The following RGS7 variants were observed in gnomAD, a reference collection of about 807,000 sequenced individuals.
RGS7 encodes the protein regulator of G-protein signaling 7.
In RGS7, 27 loss-of-function variants were observed where a neutral mutation model predicts 81.1. That is an observed-to-expected ratio of 0.33 (90% CI 0.25 to 0.46). The LOEUF (loss-of-function observed/expected upper bound fraction) is 0.46, where lower values mean the gene tolerates loss of function less well. Ranked by LOEUF, RGS7 falls within the 20% of genes least tolerant of loss-of-function variation. RGS7 has a pLI of 1.00. For synonymous variants in RGS7, 208 were observed against 207.7 expected, an observed-to-expected ratio of 1.00 and a Z score of -0.01; for missense variants, 396 against 607.4, an observed-to-expected ratio of 0.65 and a Z score of 3.66.
chr1:240,928,641 C>T (rs575384183), intron 6 of RGS7, among the ~76,000 whole-genome samples: 3 of 141,492 alleles, frequency 2.1e-5, no homozygotes, highest in African/African-American at 5.3e-5. Flanking sequence ...CGGAGTCTCA[C>T]TCTGTCATCC....
intron 3 of RGS7, among the ~76,000 whole-genome samples, chr1:241,010,691 C>A (rs1489122023): frequency 6.6e-6 from 1 of 152,184 alleles, no homozygotes; most frequent in Non-Finnish European, 1.5e-5. Context: ...GAAGACCAGG[C>A]CCTTTGCGGT....
chr1:241,219,467 G>A (rs1448868054), intron 2 of RGS7, among the ~76,000 whole-genome samples: 6 of 152,176 alleles, frequency 3.9e-5, no homozygotes, highest in African/African-American at 1.4e-4. Flanking sequence ...CCTCAGGTGT[G>A]TCTTTATCAG....
chr1:241,086,175 T>G (rs925228976), intron 3 of RGS7, among the ~76,000 whole-genome samples: 1 of 152,214 alleles, frequency 6.6e-6, no homozygotes, highest in African/African-American at 2.4e-5. Flanking sequence ...GACCTGTATA[T>G]CCAACAGTTT....
intron 2 of RGS7, among the ~76,000 whole-genome samples, chr1:241,327,848 T>C (rs2081706580): frequency 6.6e-6 from 1 of 152,194 alleles, no homozygotes; most frequent in Non-Finnish European, 1.5e-5. Context: ...TTTTTCCCAA[T>C]ACAATAATTA....
At chr1:240,840,687 C>A (rs1657784565) in intron 9 of RGS7, among the ~76,000 whole-genome samples, 1 of 152,180 alleles carries the variant, frequency 6.6e-6, no homozygotes, top group Admixed American at 6.5e-5. Context: ...TTTATCATAT[C>A]ACTTACCTCC....
In RGS7 at chr1:240,783,758, G is replaced by A. The variant is rs556249225; in HGVS notation, c.*7-7545C>T. ...TCTTAGCTATAGCCTGAGAGCCTGG[G>A]GCATTAGGGAGATGGAAGCAACTTC... On this transcript the variant is annotated intron_variant, in intron 18 of 18. Coordinates refer to ENST00000440928, the MANE Select transcript of RGS7 (RefSeq NM_001364886.1). Among the ~76,000 whole-genome samples the A allele has an allele frequency of 5.9e-5, 9 of 152,202 alleles. No homozygotes were observed. In the South Asian group the frequency reaches 1.9e-3, roughly 32 times the overall value.
At chr1:241,135,418 C>T (rs1430496784) in intron 2 of RGS7, among the ~76,000 whole-genome samples, 1 of 152,140 alleles carries the variant, frequency 6.6e-6, no homozygotes, top group East Asian at 1.9e-4. Flanking sequence ...CAGAGCGAGA[C>T]TCCGTCTGAA....
chr1:240,818,071 T>C (rs1394301575), intron 10 of RGS7, among the ~76,000 whole-genome samples: 2 of 151,910 alleles, frequency 1.3e-5, no homozygotes, highest in East Asian at 3.9e-4. Flanking sequence ...TATCCATTTC[T>C]TTTTTTTCTT....
chr1:240,783,746 C>T (rs1193348280), intron 18 of RGS7, among the ~76,000 whole-genome samples: 1 of 152,068 alleles, frequency 6.6e-6, no homozygotes, highest in African/African-American at 2.4e-5. Flanking sequence ...TAGCTATAGC[C>T]TGAGAGCCTG....
intron 2 of RGS7, among the ~76,000 whole-genome samples, chr1:241,133,498 C>T (rs145397645): frequency 8.2e-4 from 124 of 151,282 alleles, no homozygotes; most frequent in African/African-American, 2.6e-3. Flanking sequence ...TATTAGCCAC[C>T]ATAATTTTTT....
At chr1:240,827,025 G>C in intron 10 of RGS7, 73 bp downstream of exon 10, 2 of 1,184,976 alleles carry the variant, frequency 1.7e-6, no homozygotes, top group African/African-American at 1.5e-5. Context: ...TGAGAAGAAA[G>C]TGTTTTTATG....
chr1:241,209,476 T>A (rs1031064298), intron 2 of RGS7, among the ~76,000 whole-genome samples: 1 of 152,156 alleles, frequency 6.6e-6, no homozygotes, highest in African/African-American at 2.4e-5. Context: ...ATTGTAATAA[T>A]GATAATAGTA....
chr1:241,352,978 G>T (rs1050434762), intron 2 of RGS7, among the ~76,000 whole-genome samples: 3 of 152,186 alleles, frequency 2.0e-5, no homozygotes, highest in African/African-American at 7.2e-5. Flanking sequence ...GGTGTCATGA[G>T]GAGGGAAAAC....
At chr1:240,791,385 G>A (rs755066603) in intron 18 of RGS7, among the ~76,000 whole-genome samples, 34 of 152,148 alleles carry the variant, frequency 2.2e-4, no homozygotes, top group Non-Finnish European at 2.9e-4. Context: ...AAAAACATAC[G>A]AAAAATTTAC....
intron 18 of RGS7, among the ~76,000 whole-genome samples, chr1:240,781,803 T>C (rs1246913247): frequency 6.6e-6 from 1 of 152,054 alleles, no homozygotes; most frequent in Non-Finnish European, 1.5e-5. Flanking sequence ...TCACTTGAGG[T>C]CAGAAGTTCA....
At chr1:241,211,594 C>T (rs1439414756) in intron 2 of RGS7, among the ~76,000 whole-genome samples, 1 of 152,266 alleles carries the variant, frequency 6.6e-6, no homozygotes, top group Non-Finnish European at 1.5e-5. Flanking sequence ...TGAATTGAGG[C>T]TAATTTTCTA....
At chr1:240,914,571 C>T (rs1366515308) in intron 6 of RGS7, among the ~76,000 whole-genome samples, 7 of 152,108 alleles carry the variant, frequency 4.6e-5, no homozygotes. Flanking sequence ...GACTCAGAGC[C>T]TATTCCATGT....
intron 2 of RGS7, among the ~76,000 whole-genome samples, chr1:241,181,396 A>C (rs1214456049): frequency 6.6e-6 from 1 of 152,242 alleles, no homozygotes; most frequent in East Asian, 1.9e-4. Context: ...ATTTAAAACA[A>C]TCATAAAAGA....
At chr1:241,240,978 CAG>C (rs150785661) in intron 2 of RGS7, among the ~76,000 whole-genome samples, 124 of 152,206 alleles carry the variant, frequency 8.1e-4, no homozygotes, top group African/African-American at 2.7e-3. Flanking sequence ...TTCTTCATCA[CAG>C]AGAGTTCATT....
Sources: gnomAD v4.1 joint callset for allele counts (sites outside exome capture counted in the v4.1 genomes callset) on GRCh38, gnomAD v4.1.1 for gene constraint, MANE v1.5 for transcripts, NCBI Gene and HGNC (gene_info 2026-07-23, HGNC 2026-07-21) for gene names.